Variants in SLC4A4 observed in about 807,000 individuals in gnomAD.
The protein encoded by SLC4A4 is electrogenic sodium bicarbonate cotransporter 1.
Under a neutral mutation model 111.5 loss-of-function variants are expected in SLC4A4, and 27 were observed. The observed-to-expected ratio is 0.24, with a 90% CI of 0.18 to 0.33. SLC4A4 has a LOEUF of 0.33. SLC4A4 is among the 10% of genes least tolerant of loss of function. The pLI is 1.00. For missense variants in SLC4A4, 909 were observed against 1,315.5 expected, an observed-to-expected ratio of 0.69 and a Z score of 4.78; for synonymous variants, 443 against 463.4, an observed-to-expected ratio of 0.96 and a Z score of 0.57.
At chr4:71,368,947 AT>A (rs749120804) in intron 6 of SLC4A4, among the ~76,000 whole-genome samples, 11 of 152,040 alleles carry the variant, frequency 7.2e-5, no homozygotes, top group Non-Finnish European at 1.5e-4. Context: ...TTGCTTTAGC[AT>A]TTTTTTCTTC....
chr4:71,341,171 T>C (rs1385127158), intron 4 of SLC4A4, among the ~76,000 whole-genome samples: 2 of 152,178 alleles, frequency 1.3e-5, no homozygotes, highest in African/African-American at 4.8e-5. Context: ...TTTGAATGAA[T>C]AGTTTATGTC....
intron 6 of SLC4A4, among the ~76,000 whole-genome samples, chr4:71,392,864 G>T (rs544704956): frequency 6.6e-6 from 1 of 152,092 alleles, no homozygotes; most frequent in East Asian, 1.9e-4. Flanking sequence ...TTTAACATAT[G>T]TAAGTCAATA....
At chr4:71,078,148 T>G (rs1486270) in intron 1 of SLC4A4, among the ~76,000 whole-genome samples, 118,547 of 152,040 alleles carry the variant, frequency 0.78, 46,251 homozygotes, top group Admixed American at 0.84. Flanking sequence ...AAGGGATTCT[T>G]GAGGTTAACC....
At chr4:71,249,333 A>G (rs1028462998) in intron 2 of SLC4A4, among the ~76,000 whole-genome samples, 1 of 152,138 alleles carries the variant, frequency 6.6e-6, no homozygotes, top group Non-Finnish European at 1.5e-5. Context: ...TAAACACATT[A>G]TTTTTTATGT....
intron 16 of SLC4A4, among the ~76,000 whole-genome samples, chr4:71,525,929 A>G (rs1267430257): frequency 5.9e-5 from 9 of 152,072 alleles, no homozygotes. Context: ...AAATGCGCTT[A>G]AAACTGTGAG....
chr4:71,111,179 T>C (rs539039742), intron 2 of SLC4A4, among the ~76,000 whole-genome samples: 8 of 152,298 alleles, frequency 5.3e-5, no homozygotes, highest in African/African-American at 1.9e-4. Flanking sequence ...TGGGACTGTC[T>C]AGGTTTTCAT....
intron 4 of SLC4A4, among the ~76,000 whole-genome samples, chr4:71,343,382 T>C (rs564820719): frequency 6.6e-6 from 1 of 152,340 alleles, no homozygotes; most frequent in Admixed American, 6.5e-5. Context: ...TGATGATATC[T>C]GCATTTATAA....
chr4:71,553,884 T>C (rs2149245413), intron 20 of SLC4A4, among the ~76,000 whole-genome samples: 1 of 152,010 alleles, frequency 6.6e-6, no homozygotes, highest in South Asian at 2.1e-4. Context: ...TCTATGTCAC[T>C]TTTAGTTTTT....
At chr4:71,164,289 G>A (rs1744683562) in intron 2 of SLC4A4, among the ~76,000 whole-genome samples, 1 of 151,740 alleles carries the variant, frequency 6.6e-6, no homozygotes, top group Non-Finnish European at 1.5e-5. Context: ...AGTGAGACAG[G>A]AGAATCGCTT....
Position 71,231,964 on chromosome 4 carries a change from G to A in SLC4A4, c.-1-4612G>A, listed in dbSNP as rs10033270. Among the ~76,000 whole-genome samples, 1,012 of 152,310 alleles carry A rather than the reference G, an allele frequency of 6.6e-3. 19 individuals are homozygous for A. Among genetic ancestry groups the A allele is most frequent in the African/African-American group, 0.023 (945 of 41,558 alleles). On this transcript the variant is annotated intron_variant, in intron 1 of 25. Transcript: ENST00000264485. ...ACACGAACCCAAATAATTGACATTT[G>A]TGGTGTAAAGATGAAGAAAAGGTGC...
At chr4:71,088,375 CT>C (rs1348664050) in intron 1 of SLC4A4, among the ~76,000 whole-genome samples, 1 of 151,898 alleles carries the variant, frequency 6.6e-6, no homozygotes, top group Non-Finnish European at 1.5e-5. Flanking sequence ...CAGTCTGTGT[CT>C]TTTAATTGGA....
At chr4:71,251,718 T>A (rs1377879590) in intron 2 of SLC4A4, among the ~76,000 whole-genome samples, 1 of 152,184 alleles carries the variant, frequency 6.6e-6, no homozygotes, top group Non-Finnish European at 1.5e-5. Flanking sequence ...GAATGTAACA[T>A]TTATTTTGAT....
At chr4:71,237,449 A>C (rs1036288358) in intron 2 of SLC4A4, among the ~76,000 whole-genome samples, 1 of 152,176 alleles carries the variant, frequency 6.6e-6, no homozygotes, top group Non-Finnish European at 1.5e-5. Flanking sequence ...CTCAAAGTTA[A>C]ATGAAACTTG....
intron 3 of SLC4A4, among the ~76,000 whole-genome samples, chr4:71,305,633 C>G (rs1481591791): frequency 6.6e-6 from 1 of 152,212 alleles, no homozygotes; most frequent in Non-Finnish European, 1.5e-5. Context: ...CACTAGCACA[C>G]TGTGAATCTC....
intron 7 of SLC4A4, among the ~76,000 whole-genome samples, chr4:71,409,186 G>A (rs1425093458): frequency 6.6e-6 from 1 of 152,192 alleles, no homozygotes; most frequent in African/African-American, 2.4e-5. Context: ...GGTACCAGAA[G>A]TGGGGTGTTG....
At chr4:71,153,185 G>A (rs1744365157) in intron 2 of SLC4A4, among the ~76,000 whole-genome samples, 1 of 151,784 alleles carries the variant, frequency 6.6e-6, no homozygotes. Flanking sequence ...TGATGTTTGA[G>A]GGCAGGAAGC....
At chr4:71,264,339 A>G (rs1722084058) in intron 3 of SLC4A4, among the ~76,000 whole-genome samples, 1 of 152,178 alleles carries the variant, frequency 6.6e-6, no homozygotes. Flanking sequence ...TATTGTTATT[A>G]AACACTTTGT....
chr4:71,118,952 A>G (rs1280980604), intron 2 of SLC4A4, among the ~76,000 whole-genome samples: 1 of 152,228 alleles, frequency 6.6e-6, no homozygotes, highest in African/African-American at 2.4e-5. Flanking sequence ...TTAGGACTGT[A>G]AAACCATTAT....
intron 3 of SLC4A4, among the ~76,000 whole-genome samples, chr4:71,334,918 T>A (rs527983935): frequency 6.6e-6 from 1 of 152,310 alleles, no homozygotes; most frequent in East Asian, 1.9e-4. Flanking sequence ...AATTTATTTT[T>A]TTCTGTTAGA....
Sources: gnomAD v4.1 joint callset for allele counts (sites outside exome capture counted in the v4.1 genomes callset) on GRCh38, gnomAD v4.1.1 for gene constraint, MANE v1.5 for transcripts, NCBI Gene and HGNC (gene_info 2026-07-23, HGNC 2026-07-21) for gene names.